FBXL2: variants seen among roughly 807,000 people sequenced by gnomAD.
FBXL2 encodes F-box/LRR-repeat protein 2.
A neutral mutation model predicts 69.2 loss-of-function variants in FBXL2; 38 were observed. The observed-to-expected ratio is 0.55, with a 90% CI of 0.42 to 0.72. FBXL2 has a LOEUF of 0.72. FBXL2 is among the 30% of genes least tolerant of loss of function. The probability of loss-of-function intolerance (pLI) is 0.00; values close to 1 mark genes in which losing one functional copy is unlikely to be tolerated. For synonymous variants in FBXL2, 192 were observed against 201.3 expected (o/e 0.95, Z 0.39); for missense variants, 354 against 520.3 (o/e 0.68, Z 3.11).
At chr3:33,337,613 A>G (rs1004761379) in intron 2 of FBXL2, among the ~76,000 whole-genome samples, 2 of 152,240 alleles carry the variant, frequency 1.3e-5, no homozygotes, top group South Asian at 2.1e-4. Context: ...AGTTCTAGCC[A>G]TAGCAATCAG....
chr3:33,369,279 A>T (rs143071713), intron 5 of FBXL2, among the ~76,000 whole-genome samples: 2,125 of 151,456 alleles, frequency 0.014, 22 homozygotes, highest in South Asian at 0.027. Context: ...CTTGAACTCC[A>T]GACCTCAAAT....
chr3:33,374,005 A>G lies in FBXL2; in HGVS notation c.657+84A>G, dbSNP rs2042471752. Reference sequence around the variant, plus strand: ...GCCTCAGGCCTCCCTGCAGCCCCCTAGGCACCTGAGATGGGCTGTGTTGCC... The same window carrying G: ...GCCTCAGGCCTCCCTGCAGCCCCCTGGGCACCTGAGATGGGCTGTGTTGCC... On this transcript the variant is annotated intron_variant, in intron 9 of 14. Transcript: ENST00000484457. 10 of 1,292,572 alleles carry G rather than the reference A, an allele frequency of 7.7e-6. No individual in the cohort carries two copies. The Admixed American group carries it at 1.0e-4, about 13-fold the overall frequency. The allele number at this position is 1,292,572 out of a possible 1,614,324, so 80.1% of individuals were successfully genotyped here. A position where few individuals can be genotyped will look rare whatever the true frequency, so the allele number is the denominator to read the frequency against.
intron 4 of FBXL2, among the ~76,000 whole-genome samples, chr3:33,361,340 C>T (rs973203787): frequency 2.6e-5 from 4 of 151,514 alleles, no homozygotes; most frequent in Admixed American, 6.6e-5. Flanking sequence ...TGCGTCTCTA[C>T]AAAAAAATGA....
intron 10 of FBXL2, among the ~76,000 whole-genome samples, chr3:33,376,829 C>T (rs1194110294): frequency 6.6e-6 from 1 of 151,942 alleles, no homozygotes; most frequent in Admixed American, 6.6e-5. Context: ...GATGAAATCC[C>T]GTTTCTACTA....
In FBXL2 at chr3:33,294,601, GA is replaced by G. The variant is rs749206522; in HGVS notation, c.4-3062del. ...CACCTATAATCCCAGCACTTTTGGG[GA>G]CTAAGGCAGAAGGATCAGTTGAGCC... On this transcript the variant is annotated intron_variant, in intron 1 of 14. Transcript: ENST00000484457. Among the ~76,000 whole-genome samples the G allele has an allele frequency of 1.2e-3, 182 of 152,210 alleles. 3 individuals are homozygous for G. The highest frequency in any genetic ancestry group is 8.7e-4 in the Non-Finnish European group (59 of 68,012).
intron 5 of FBXL2, among the ~76,000 whole-genome samples, chr3:33,368,482 T>A (rs980729426): frequency 1.3e-5 from 2 of 152,236 alleles, no homozygotes; most frequent in African/African-American, 2.4e-5. Context: ...TTGTCTGATA[T>A]AGTCATTCCA....
intron 2 of FBXL2, among the ~76,000 whole-genome samples, chr3:33,324,316 A>G (rs2038500473): frequency 6.6e-6 from 1 of 151,834 alleles, no homozygotes; most frequent in African/African-American, 2.4e-5. Context: ...ATTAGATCCC[A>G]TTTGTCAATT....
intron 2 of FBXL2, among the ~76,000 whole-genome samples, chr3:33,336,001 G>A (rs190299447): frequency 1.8e-4 from 27 of 152,272 alleles, no homozygotes; most frequent in Admixed American, 1.6e-3. Flanking sequence ...CAGGAGGTAC[G>A]TCATGTTTAT....
At position 33,359,139 on chromosome 3, in the gene FBXL2, G is replaced by A. The variant is rs974803723; in HGVS notation, c.120+118G>A. On this transcript the variant is annotated intron_variant, in intron 3 of 14. Transcript: ENST00000484457. ...CTTTTATACTTAATATAACATAATG[G>A]TATAATTTTGCATTTGATGATTAAC... 9.0e-6 allele frequency: 8 copies of A among 891,960 alleles called. No homozygotes were observed. The African/African-American group carries it at 1.2e-4, about 13-fold the overall frequency. 55.3% of individuals were successfully genotyped at this position (891,960 alleles called of 1,614,324 possible).
At chr3:33,313,141 G>A (rs1290600054) in intron 2 of FBXL2, among the ~76,000 whole-genome samples, 5 of 149,274 alleles carry the variant, frequency 3.3e-5, no homozygotes, top group Non-Finnish European at 7.4e-5. Flanking sequence ...AAAAAGATAA[G>A]ACAATATTAT....
intron 4 of FBXL2, among the ~76,000 whole-genome samples, chr3:33,360,918 CTTTTTTTT>C (rs58912118): frequency 0.022 from 1,277 of 56,788 alleles, 5 homozygotes; most frequent in Admixed American, 0.057. Context: ...ACATGAAGAA[CTTTTTTTT>C]TTTTTTTTTT....
intron 1 of FBXL2, chr3:33,278,485 T>C (rs777737237): frequency 2.0e-5 from 3 of 152,238 alleles, no homozygotes; most frequent in Non-Finnish European, 4.4e-5. Flanking sequence ...CTGCAGGAGT[T>C]TAGTGGAAGT....
chr3:33,420,717 G>A, the FBXL2 span, among the ~76,000 whole-genome samples: 16,083 of 152,020 alleles, frequency 0.11, 936 homozygotes, highest in Admixed American at 0.16. Context: ...TCGATCTCTC[G>A]ACCTCGTGAT....
At chr3:33,314,953 T>C (rs1352170083) in intron 2 of FBXL2, among the ~76,000 whole-genome samples, 1 of 152,330 alleles carries the variant, frequency 6.6e-6, no homozygotes, top group East Asian at 1.9e-4. Flanking sequence ...TCAGTTGTTC[T>C]TACATGTGAA....
chr3:33,378,746 G>A lies in FBXL2; in HGVS notation c.951+5G>A. On this transcript the variant is annotated splice_donor_5th_base_variant and intron_variant, in intron 13 of 14. Coordinates refer to ENST00000484457, the MANE Select transcript of FBXL2 (RefSeq NM_012157.5). The stretch of plus-strand genomic sequence containing the variant: ...TGTCCTAAACTGCAAGCCCTGGTGA[G>A]TCTGAGTTTTTCTGACATTATTCAC... 2 of 1,614,070 alleles carry A rather than the reference G, an allele frequency of 1.2e-6. No homozygotes were observed. Among genetic ancestry groups the A allele is most frequent in the Non-Finnish European group, 1.7e-6 (2 of 1,179,998 alleles).
intron 12 of FBXL2, among the ~76,000 whole-genome samples, chr3:33,395,767 A>AG (rs2043961302): frequency 7.1e-6 from 1 of 141,686 alleles, no homozygotes; most frequent in Non-Finnish European, 1.5e-5. Context: ...AAAAAAAAAA[A>AG]AAAAAAGAAA....
At chr3:33,346,364 C>T (rs1489046534) in intron 2 of FBXL2, among the ~76,000 whole-genome samples, 4 of 151,750 alleles carry the variant, frequency 2.6e-5, no homozygotes, top group Non-Finnish European at 1.5e-5. Flanking sequence ...TGTGTGAGAT[C>T]GTGAGTTCAA....
chr3:33,408,584 G>A, downstream of FBXL2: 2 of 778,648 alleles, frequency 2.6e-6, no homozygotes, highest in Non-Finnish European at 4.0e-6. Flanking sequence ...ATCAAGACAT[G>A]GACATCAAAA....
upstream of FBXL2, chr3:33,277,185 T>TA (rs751643485): frequency 0.027 from 7,954 of 289,504 alleles, 126 homozygotes; most frequent in African/African-American, 0.075. Flanking sequence ...ACGTTTTTTT[T>TA]AAAAAAAAAA....
Sources: gnomAD v4.1 joint callset for allele counts (sites outside exome capture counted in the v4.1 genomes callset) on GRCh38, gnomAD v4.1.1 for gene constraint, MANE v1.5 for transcripts, NCBI Gene and HGNC (gene_info 2026-07-23, HGNC 2026-07-21) for gene names.